Variants in KIAA0825 observed in about 807,000 individuals in gnomAD.
The protein encoded by KIAA0825 is KIAA0825, also known as uncharacterized protein KIAA0825.
A neutral mutation model predicts 147.6 loss-of-function variants in KIAA0825; 119 were observed. The observed-to-expected ratio is 0.81, with a 90% CI of 0.69 to 0.94. KIAA0825 has a LOEUF of 0.94. Among genes scored for constraint, KIAA0825 ranks in the 40% least tolerant of loss-of-function variants. The probability of loss-of-function intolerance (pLI) is 0.00; values close to 1 mark genes in which losing one functional copy is unlikely to be tolerated. For synonymous variants in KIAA0825, 470 were observed against 518.1 expected, an observed-to-expected ratio of 0.91 and a Z score of 1.26; for missense variants, 1,381 against 1,472.7, an observed-to-expected ratio of 0.94 and a Z score of 1.02.
chr5:94,496,147 C>A (rs1327298619), intron 5 of KIAA0825, among the ~76,000 whole-genome samples: 1 of 152,164 alleles, frequency 6.6e-6, no homozygotes, highest in Non-Finnish European at 1.5e-5. Context: ...CGGGGCAAAT[C>A]TGGCCCAGAG....
At chr5:94,206,953 T>C (rs1222271297) in intron 20 of KIAA0825, among the ~76,000 whole-genome samples, 3 of 152,224 alleles carry the variant, frequency 2.0e-5, no homozygotes, top group African/African-American at 7.2e-5. Flanking sequence ...GCTGTTCTTT[T>C]CTGGTTTGGG....
At chr5:94,381,940 C>A (rs1048832710) in intron 20 of KIAA0825, among the ~76,000 whole-genome samples, 3 of 152,066 alleles carry the variant, frequency 2.0e-5, no homozygotes, top group Non-Finnish European at 4.4e-5. Context: ...AGAAAGGATT[C>A]TTTTCCCTTA....
rs1034648419 is a variant in KIAA0825 at position 94,403,664 on chromosome 5, A to C, written c.2792T>G (p.Leu931Arg). The change falls in exon 16 of 21, where the codon CTA (leucine) becomes CGA (arginine). Residue 931 changes from leucine to arginine, a missense_variant. Physicochemically the swap from Leu to Arg is moderately radical, Grantham distance 102. Coordinates refer to ENST00000682413, the MANE Select transcript of KIAA0825 (RefSeq NM_001145678.3). The stretch of plus-strand genomic sequence containing the variant: ...ACAATCAGGAACAATGTGCTTGTTT[A>C]GGTTTGTCTCACAGTTTCTCCTAGA... ...MSSRRNCETN[L>R]NKHIVPDCLL... 1 of 1,551,482 alleles carries C rather than the reference A, an allele frequency of 6.4e-7. No individual in the cohort carries two copies. Among genetic ancestry groups the C allele is most frequent in the Non-Finnish European group, 8.7e-7 (1 of 1,146,924 alleles).
At chr5:94,446,361 A>G (rs1489308754) in intron 13 of KIAA0825, among the ~76,000 whole-genome samples, 1 of 152,204 alleles carries the variant, frequency 6.6e-6, no homozygotes, top group Non-Finnish European at 1.5e-5. Flanking sequence ...TAAAGTAACA[A>G]TTATAAAAAC....
At chr5:94,291,424 A>G (rs1048935088) in intron 20 of KIAA0825, among the ~76,000 whole-genome samples, 2 of 152,132 alleles carry the variant, frequency 1.3e-5, no homozygotes, top group Non-Finnish European at 2.9e-5. Context: ...AGATGGTTGT[A>G]GATGTGTGAC....
intron 20 of KIAA0825, among the ~76,000 whole-genome samples, chr5:94,331,142 A>G (rs983072187): frequency 2.6e-5 from 4 of 151,934 alleles, no homozygotes; most frequent in African/African-American, 9.7e-5. Context: ...CTCAAAAAAA[A>G]AAAGAAAGAA....
chr5:94,353,807 G>A (rs757909361), intron 20 of KIAA0825, among the ~76,000 whole-genome samples: 6 of 152,228 alleles, frequency 3.9e-5, no homozygotes, highest in African/African-American at 1.4e-4. Flanking sequence ...CAGGGACACC[G>A]ATGAGGATAC....
intron 20 of KIAA0825, among the ~76,000 whole-genome samples, chr5:94,272,165 A>G (rs1777024785): frequency 1.3e-5 from 2 of 151,354 alleles, no homozygotes; most frequent in Admixed American, 1.3e-4. Flanking sequence ...GATAGAGTAG[A>G]AATGATGGTT....
intron 20 of KIAA0825, among the ~76,000 whole-genome samples, chr5:94,257,447 T>C (rs755999034): frequency 1.3e-5 from 2 of 152,126 alleles, no homozygotes; most frequent in Non-Finnish European, 2.9e-5. Flanking sequence ...AAATGAATTC[T>C]GTTTAGATTC....
intron 20 of KIAA0825, among the ~76,000 whole-genome samples, chr5:94,331,293 C>T (rs1781249955): frequency 6.6e-6 from 1 of 152,080 alleles, no homozygotes; most frequent in African/African-American, 2.4e-5. Flanking sequence ...AAGGACTACT[C>T]CTTTTCATGA....
intron 14 of KIAA0825, among the ~76,000 whole-genome samples, chr5:94,432,581 G>T (rs1755823806): frequency 6.8e-6 from 1 of 147,420 alleles, no homozygotes; most frequent in African/African-American, 2.5e-5. Context: ...TCTTAGTAAA[G>T]AAAGTGACAA....
rs564950443 is a variant in KIAA0825, at chr5:94,403,550, G to A, written c.2887+19C>T. On this transcript the variant is annotated intron_variant, in intron 16 of 20. Coordinates refer to ENST00000682413, the MANE Select transcript of KIAA0825 (RefSeq NM_001145678.3). Reference sequence around the variant, plus strand: ...GCTTCTTCAGGTGTATTTTCTTAAAGAGAAACAAGTGTACTTACTTTTGCA... The same window carrying A: ...GCTTCTTCAGGTGTATTTTCTTAAAAAGAAACAAGTGTACTTACTTTTGCA... 16 of 1,539,994 alleles carry A rather than the reference G, an allele frequency of 1.0e-5. No individual in the cohort carries two copies. Among genetic ancestry groups the A allele is most frequent in the Non-Finnish European group, 1.4e-5 (16 of 1,137,884 alleles).
rs1779398658 is a variant in KIAA0825, at chr5:94,569,324, C to A, written c.-2+13109G>T. The A allele has an allele frequency of 8.6e-6, 3 of 350,422 alleles. No individual in the cohort carries two copies. The East Asian group carries it at 1.3e-4, about 15-fold the overall frequency. 21.7% of individuals were successfully genotyped at this position (350,422 alleles called of 1,614,324 possible). On this transcript the variant is annotated intron_variant, in intron 2 of 20. Coordinates refer to ENST00000682413, the MANE Select transcript of KIAA0825 (RefSeq NM_001145678.3). ...AAAAACCATTAAACCTATACAACCT[C>A]CCCCATAATTTAAAATAATGATACA...
chr5:94,498,013 A>G (rs1406117549), intron 5 of KIAA0825, among the ~76,000 whole-genome samples: 1 of 152,126 alleles, frequency 6.6e-6, no homozygotes, highest in African/African-American at 2.4e-5. Flanking sequence ...GGGTGGGGGA[A>G]ATATTCTTCT....
At chr5:94,617,733 G>T (rs1406036411) in intron 1 of KIAA0825, among the ~76,000 whole-genome samples, 2 of 152,162 alleles carry the variant, frequency 1.3e-5, no homozygotes, top group Non-Finnish European at 2.9e-5. Flanking sequence ...AATCTTAAAT[G>T]AGCACCTTTC....
At chr5:94,479,801 T>C (rs1465069205) in intron 6 of KIAA0825, among the ~76,000 whole-genome samples, 1 of 152,130 alleles carries the variant, frequency 6.6e-6, no homozygotes, top group East Asian at 1.9e-4. Flanking sequence ...AGGTGTGTAG[T>C]GTCATCTTGT....
chr5:94,403,057 C>T lies in KIAA0825; in HGVS notation c.2887+512G>A, dbSNP rs1338218999. ...GCACTCAATTTAGAACCAGAATCAC[C>T]GGAGGAAAAAATACCCTGTCAGAAA... is the stretch of plus-strand genomic sequence containing the variant. On this transcript the variant is annotated intron_variant, in intron 16 of 20. Transcript: ENST00000682413. 2.0e-5 allele frequency among the ~76,000 whole-genome samples: 3 copies of T among 151,996 alleles called. No individual in the cohort carries two copies. The East Asian group carries it at 5.8e-4, about 30-fold the overall frequency.
rs766248139 is a variant in KIAA0825, at chr5:94,540,526, T to C, written c.-1-3399A>G. Among the ~76,000 whole-genome samples, 31 of 152,232 alleles carry C rather than the reference T, an allele frequency of 2.0e-4. 1 individual carries two copies. Among genetic ancestry groups the C allele is most frequent in the Non-Finnish European group, 4.1e-4 (28 of 68,040 alleles). On this transcript the variant is annotated intron_variant, in intron 2 of 20. Coordinates refer to ENST00000682413, the MANE Select transcript of KIAA0825 (RefSeq NM_001145678.3). ...AGGGTCCAATTCCCGCCTTAGGGAA[T>C]GAGTCCTCTATCTTCTGTCTGTGTA...
chr5:94,556,429 G>A (rs1776559112), intron 2 of KIAA0825, among the ~76,000 whole-genome samples: 1 of 152,084 alleles, frequency 6.6e-6, no homozygotes, highest in Non-Finnish European at 1.5e-5. Flanking sequence ...TAATAACAAT[G>A]ATTTGAACTT....
Sources: allele counts gnomAD v4.1 joint callset (sites outside exome capture counted in the v4.1 genomes callset), GRCh38; gene constraint gnomAD v4.1.1; transcripts MANE v1.5; gene names NCBI Gene and HGNC (gene_info 2026-07-23, HGNC 2026-07-21).